Variants in GIT2 observed in about 807,000 individuals in gnomAD.
GIT2 encodes the protein ARF GTPase-activating protein GIT2.
In GIT2, 32 loss-of-function variants were observed where a neutral mutation model predicts 100.3. The ratio of observed to expected loss-of-function variants is 0.32; its 90% CI spans 0.24 to 0.43. The LOEUF is 0.43. GIT2 is among the 20% of genes least tolerant of loss of function. GIT2 has a pLI of 1.00. For missense variants in GIT2, 737 were observed against 975.1 expected (o/e 0.76, Z 3.25); for synonymous variants, 353 against 364.1 (o/e 0.97, Z 0.35).
At chr12:109,959,807 G>A in intron 12 of GIT2, 40 bp downstream of exon 12, 2 of 1,196,548 alleles carry the variant, frequency 1.7e-6, no homozygotes, top group Middle Eastern at 3.8e-4. Flanking sequence ...CAAATTTAGA[G>A]GGCCAAAAAA....
chr12:109,951,757 G>C (rs938102557), intron 13 of GIT2, among the ~76,000 whole-genome samples: 1 of 152,192 alleles, frequency 6.6e-6, no homozygotes, highest in Non-Finnish European at 1.5e-5. Flanking sequence ...CAGCATGAGA[G>C]AGTATATATA....
chr12:109,981,974 C>T (rs1279520369), intron 6 of GIT2: 5 of 152,208 alleles, frequency 3.3e-5, no homozygotes, highest in African/African-American at 1.2e-4. Context: ...GTGAGAGGCA[C>T]ATCTTATTTT....
intron 13 of GIT2, chr12:109,952,849 C>G (rs946383285): frequency 3.5e-6 from 2 of 566,414 alleles, no homozygotes; most frequent in Non-Finnish European, 6.3e-6. Context: ...AGAGAAGTCA[C>G]TCAGTAAACA....
At chr12:109,966,829 T>A (rs1295632915) in intron 8 of GIT2, among the ~76,000 whole-genome samples, 1 of 152,354 alleles carries the variant, frequency 6.6e-6, no homozygotes, top group Admixed American at 6.5e-5. Flanking sequence ...TCATCTGCTC[T>A]TATAGACCAG....
chr12:109,952,995 G>T, intron 13 of GIT2, 97 bp downstream of exon 13: 1 of 1,212,462 alleles, frequency 8.2e-7, no homozygotes, highest in Non-Finnish European at 1.2e-6. Flanking sequence ...CTTGGCCTGA[G>T]CTAGTAACAA....
chr12:109,953,834 AAAG>A (rs1878576726), intron 12 of GIT2: 1 of 152,274 alleles, frequency 6.6e-6, no homozygotes, highest in African/African-American at 2.4e-5. Flanking sequence ...CTGCTCAGAT[AAAG>A]AAGGCAGGTT....
At chr12:109,958,323 CCT>C (rs1011315430) in intron 12 of GIT2, among the ~76,000 whole-genome samples, 1 of 146,312 alleles carries the variant, frequency 6.8e-6, no homozygotes, top group African/African-American at 2.5e-5. Context: ...CTCACTACAA[CCT>C]CTGTCTCCCA....
intron 11 of GIT2, among the ~76,000 whole-genome samples, 189 bp downstream of exon 11, chr12:109,961,089 T>C (rs1263276575): frequency 2.0e-5 from 3 of 152,276 alleles, no homozygotes; most frequent in Non-Finnish European, 4.4e-5. Context: ...AATTGTTTCA[T>C]ATTCTTTCCC....
At chr12:109,978,993 T>C (rs1169156393) in intron 7 of GIT2, among the ~76,000 whole-genome samples, 2 of 151,976 alleles carry the variant, frequency 1.3e-5, no homozygotes, top group Non-Finnish European at 2.9e-5. Context: ...TATTTTTGTC[T>C]TAGCAGGCAA....
At chr12:109,958,103 CCTGGCTAA>C (rs1263436526) in intron 12 of GIT2, among the ~76,000 whole-genome samples, 1,523 of 151,832 alleles carry the variant, frequency 0.01, 28 homozygotes, top group Middle Eastern at 0.037. Flanking sequence ...CACCACCATG[CCTGGCTAA>C]TTTTTTGTAG....
At position 109,957,012 on chromosome 12, in the gene GIT2, G is replaced by A. The variant is rs539611283; in HGVS notation, c.1099+2835C>T. Among the ~76,000 whole-genome samples, 9 of 145,402 alleles carry A rather than the reference G, an allele frequency of 6.2e-5. No individual in the cohort carries two copies. The South Asian group carries it at 8.8e-4, about 14-fold the overall frequency. ...CAGCCTGGGCGACAGAGTGAGACTC[G>A]TCTCAAAAAAAAAAAAACAAAACAA... On this transcript the variant is annotated intron_variant, in intron 12 of 19. Coordinates refer to ENST00000355312, the MANE Select transcript of GIT2 (RefSeq NM_057169.5).
chr12:109,935,467 C>CCTCCGCGTCCTGGCTT, intron 18 of GIT2, among the ~76,000 whole-genome samples: 1 of 152,162 alleles, frequency 6.6e-6, no homozygotes, highest in South Asian at 2.1e-4. Flanking sequence ...CTCACTGCAA[C>CCTCCGCGTCCTGGCTT]CTCCGCCTCC....
At chr12:109,986,766 A>AAAACAAAC (rs574249052) in intron 4 of GIT2, among the ~76,000 whole-genome samples, 2 of 151,322 alleles carry the variant, frequency 1.3e-5, no homozygotes, top group Non-Finnish European at 2.9e-5. Context: ...CTCCGTCTCA[A>AAAACAAAC]AAACAAACAA....
At chr12:109,978,784 T>A (rs1885673974) in intron 7 of GIT2, among the ~76,000 whole-genome samples, 1 of 152,226 alleles carries the variant, frequency 6.6e-6, no homozygotes, top group African/African-American at 2.4e-5. Flanking sequence ...TATAGCATGG[T>A]CTTACTAGCT....
intron 7 of GIT2, among the ~76,000 whole-genome samples, chr12:109,970,049 C>A (rs1400756609): frequency 6.6e-6 from 1 of 152,130 alleles, no homozygotes; most frequent in Non-Finnish European, 1.5e-5. Flanking sequence ...AGCCACCGTG[C>A]CCGGACCTCT....
chr12:109,963,026 G>C (rs1347040184), intron 9 of GIT2, among the ~76,000 whole-genome samples: 1 of 152,032 alleles, frequency 6.6e-6, no homozygotes, highest in South Asian at 2.1e-4. Flanking sequence ...GAAAAAACAA[G>C]TGCTGGTTAC....
intron 4 of GIT2, among the ~76,000 whole-genome samples, chr12:109,987,108 C>A (rs999091938): frequency 6.6e-6 from 1 of 152,020 alleles, no homozygotes; most frequent in African/African-American, 2.4e-5. Flanking sequence ...GCAGGCCAGG[C>A]GCGGTGGCTC....
Position 109,991,712 on chromosome 12 carries a change from C to T in GIT2, c.101G>A (p.Cys34Tyr). ...CCCTAGACTCCGATGGACACTGCAG[C>T]ACTCATCACATAAAAACGTTCCCCT... ...VNRGTFLCDE[C>Y]CSVHRSLGRH... is the part of the protein sequence containing the mutation. The change falls in exon 2 of 20, where the codon TGC (cysteine) becomes TAC (tyrosine). Residue 34 changes from cysteine to tyrosine, a missense_variant. Transcript: ENST00000355312. 1 of 1,612,362 alleles carries T rather than the reference C, an allele frequency of 6.2e-7. No individual in the cohort carries two copies. The highest frequency in any genetic ancestry group is 8.5e-7 in the Non-Finnish European group (1 of 1,178,436).
At chr12:109,969,948 G>A (rs1883447241) in intron 7 of GIT2, among the ~76,000 whole-genome samples, 1 of 151,750 alleles carries the variant, frequency 6.6e-6, no homozygotes, top group Admixed American at 6.6e-5. Context: ...TAGAGACGGG[G>A]TTTCACTATG....
Sources: allele counts gnomAD v4.1 joint callset (sites outside exome capture counted in the v4.1 genomes callset), GRCh38; gene constraint gnomAD v4.1.1; transcripts MANE v1.5; gene names NCBI Gene and HGNC (gene_info 2026-07-23, HGNC 2026-07-21).